Variants in ANKHD1 observed in about 807,000 individuals in gnomAD.
ANKHD1 encodes the protein ankyrin repeat and KH domain containing 1, also known as ankyrin repeat and KH domain-containing protein 1.
ANKHD1 carries 31 observed loss-of-function variants against 230.5 expected under a neutral mutation model. The ratio of observed to expected loss-of-function variants is 0.13; its 90% confidence interval spans 0.10 to 0.18. The LOEUF is 0.18. Ranked by LOEUF, ANKHD1 falls within the 10% of genes least tolerant of loss-of-function variation. The pLI is 1.00. For missense variants in ANKHD1, 2,256 were observed against 3,071.3 expected, an observed-to-expected ratio of 0.73 and a Z score of 6.27; for synonymous variants, 1,074 against 1,117.6, an observed-to-expected ratio of 0.96 and a Z score of 0.78.
At position 140,458,627 on chromosome 5, in the gene ANKHD1, T is replaced by G. The variant is rs1313557667; in HGVS notation, c.1245T>G (p.Asp415Glu). The change falls in exon 8 of 34, where the codon GAT becomes GAG. Residue 415 changes from aspartate (D) to glutamate (E), a missense_variant and splice_region_variant. Coordinates refer to ENST00000360839, the MANE Select transcript of ANKHD1 (RefSeq NM_017747.3). The stretch of plus-strand genomic sequence containing the variant: ...TCTTTACTTCTGAAAATCTGCAGGA[T>G]GGACATGTAGAGGTGGCACGTTTGC... ...MHTALMEACM[D>E]GHVEVARLLL... 1 of 1,578,746 alleles carries G rather than the reference T, an allele frequency of 6.3e-7. No homozygotes were observed. The highest frequency in any genetic ancestry group is 1.3e-5 in the African/African-American group (1 of 74,240).
At chr5:140,455,801 G>A (rs1452747156) in intron 7 of ANKHD1, among the ~76,000 whole-genome samples, 1 of 152,144 alleles carries the variant, frequency 6.6e-6, no homozygotes, top group African/African-American at 2.4e-5. Flanking sequence ...TTGAAAAGTG[G>A]CACAAGACAG....
intron 24 of ANKHD1, 57 bp downstream of exon 24, chr5:140,513,536 C>T (rs1232260214): frequency 1.9e-5 from 30 of 1,552,402 alleles, no homozygotes; most frequent in Middle Eastern, 2.1e-4. Flanking sequence ...GGGCCGGGCA[C>T]GGTGGCTCAC....
At chr5:140,469,129 AC>A (rs1177562813) in intron 10 of ANKHD1, among the ~76,000 whole-genome samples, 3 of 143,310 alleles carry the variant, frequency 2.1e-5, no homozygotes, top group African/African-American at 7.8e-5. Context: ...CTTCTCTCCC[AC>A]CCTCCTTCCT....
At chr5:140,412,776 G>A (rs1307443749) in intron 1 of ANKHD1, among the ~76,000 whole-genome samples, 1 of 152,190 alleles carries the variant, frequency 6.6e-6, no homozygotes, top group Non-Finnish European at 1.5e-5. Flanking sequence ...GTTCCTGTGA[G>A]TAAAGATCAA....
intron 14 of ANKHD1, among the ~76,000 whole-genome samples, chr5:140,488,386 A>T (rs1310040442): frequency 6.6e-6 from 1 of 152,050 alleles, no homozygotes; most frequent in Non-Finnish European, 1.5e-5. Context: ...GGAGTTCAAG[A>T]CCAGCCTGGC....
At chr5:140,493,510 A>G (rs1751899134) in intron 14 of ANKHD1, among the ~76,000 whole-genome samples, 1 of 152,162 alleles carries the variant, frequency 6.6e-6, no homozygotes, top group African/African-American at 2.4e-5. Context: ...ACCTGTTGAA[A>G]ATTTTGTTGC....
chr5:140,493,366 C>T (rs1751893075), intron 14 of ANKHD1, among the ~76,000 whole-genome samples: 1 of 152,080 alleles, frequency 6.6e-6, no homozygotes, highest in South Asian at 2.1e-4. Context: ...CACCCGGCCA[C>T]CTTTATTTTT....
intron 15 of ANKHD1, among the ~76,000 whole-genome samples, chr5:140,500,261 T>C (rs1752227447): frequency 6.6e-6 from 1 of 152,200 alleles, no homozygotes; most frequent in Non-Finnish European, 1.5e-5. Context: ...ATGCACCAAC[T>C]TCTATGATAA....
intron 10 of ANKHD1, among the ~76,000 whole-genome samples, chr5:140,467,270 A>G (rs958364098): frequency 1.3e-5 from 2 of 152,160 alleles, no homozygotes; most frequent in African/African-American, 2.4e-5. Context: ...TAATAACTCT[A>G]TATGTATAAC....
chr5:140,440,927 A>G lies in ANKHD1; in HGVS notation c.766-68A>G, dbSNP rs1273782535. The G allele has an allele frequency of 2.1e-5, 30 of 1,411,370 alleles. No individual in the cohort carries two copies. The East Asian group carries it at 8.0e-4, about 38-fold the overall frequency. 87.4% of individuals were successfully genotyped at this position (1,411,370 alleles called of 1,614,324 possible). ...AGAAGAATATCTTCAGAGATTCAGT[A>G]TATTCTCTAGAAATACTATTGAATA... is the stretch of plus-strand genomic sequence containing the variant. On this transcript the variant is annotated intron_variant, in intron 4 of 33. Transcript: ENST00000360839.
chr5:140,497,120 T>C lies in ANKHD1; in HGVS notation c.2846T>C (p.Leu949Pro). ...TTAGGTTCTAATGGGACAAATTCTC[T>C]TGAACTTCAGAAAGTATCAGGTAAT... ...SDLGSNGTNS[L>P]ELQKVSGNQQ... Residue 949 changes from leucine (L) to proline (P), a missense_variant, in exon 15 of 34, where the codon CTT becomes CCT. Physicochemically the swap from Leu to Pro is moderately conservative, Grantham distance 98 (BLOSUM62 -3). Around this residue, in one of 13 missense-constraint regions of ANKHD1, gnomAD observed 358 missense variants for 397.7 expected, o/e 0.90. Coordinates refer to ENST00000360839, the MANE Select transcript of ANKHD1 (RefSeq NM_017747.3). 6.2e-7 allele frequency: 1 copy of C among 1,614,210 alleles called. No homozygotes were observed. Among genetic ancestry groups the C allele is most frequent in the Non-Finnish European group, 8.5e-7 (1 of 1,180,040 alleles).
chr5:140,472,819 T>C (rs1232682158), intron 10 of ANKHD1, among the ~76,000 whole-genome samples: 1 of 152,116 alleles, frequency 6.6e-6, no homozygotes, highest in Non-Finnish European at 1.5e-5. Flanking sequence ...TATTCTGAAA[T>C]TGGTTTTTAA....
chr5:140,409,215 C>G (rs767694348), intron 1 of ANKHD1, among the ~76,000 whole-genome samples: 21 of 152,148 alleles, frequency 1.4e-4, no homozygotes, highest in Non-Finnish European at 2.4e-4. Flanking sequence ...AGGACTTATG[C>G]TTATAACCTG....
intron 1 of ANKHD1, among the ~76,000 whole-genome samples, chr5:140,405,977 C>T (rs543097388): frequency 2.0e-5 from 3 of 152,076 alleles, no homozygotes; most frequent in African/African-American, 7.2e-5. Flanking sequence ...TGGTGGCTCA[C>T]GCCTGTAATC....
At chr5:140,490,177 T>C (rs945742971) in intron 14 of ANKHD1, among the ~76,000 whole-genome samples, 1 of 152,172 alleles carries the variant, frequency 6.6e-6, no homozygotes, top group South Asian at 2.1e-4. Context: ...GTGTATGTGA[T>C]TAGGGATGGA....
intron 30 of ANKHD1, chr5:140,535,935 A>G (rs1336489434): frequency 6.6e-6 from 1 of 152,446 alleles, no homozygotes; most frequent in Non-Finnish European, 1.5e-5. Context: ...TAGTTTTACA[A>G]AAGGACCCTT....
At chr5:140,458,939 A>G (rs1775423246) in intron 8 of ANKHD1, 77 bp downstream of exon 8, 1 of 326,722 alleles carries the variant, frequency 3.1e-6, no homozygotes, top group African/African-American at 2.9e-5. Context: ...AGTTTACTAC[A>G]GCTAGCATAT....
chr5:140,502,219 A>G (rs1752337913), intron 15 of ANKHD1, among the ~76,000 whole-genome samples: 1 of 152,148 alleles, frequency 6.6e-6, no homozygotes, highest in African/African-American at 2.4e-5. Flanking sequence ...TTTATTCCAC[A>G]TGCACTTTTT....
At chr5:140,539,131 T>A in intron 33 of ANKHD1, 48 bp downstream of exon 33, 1 of 1,557,980 alleles carries the variant, frequency 6.4e-7, no homozygotes, top group Non-Finnish European at 8.7e-7. Context: ...GTCACATCAT[T>A]CTTTTTGTTT....
Sources: gnomAD v4.1 joint callset for allele counts (sites outside exome capture counted in the v4.1 genomes callset) on GRCh38, gnomAD v4.1.1 for gene constraint, gnomAD v4.1.1 regional missense constraint, MANE v1.5 for transcripts, NCBI Gene and HGNC (gene_info 2026-07-23, HGNC 2026-07-21) for gene names.